Variants in BAZ1A observed in about 807,000 individuals in gnomAD.
BAZ1A encodes the protein bromodomain adjacent to zinc finger domain 1A, also known as bromodomain adjacent to zinc finger domain protein 1A.
In BAZ1A, 50 loss-of-function variants were observed where a neutral mutation model predicts 185.2. The observed-to-expected ratio is 0.27, with a 90% CI of 0.22 to 0.34. The LOEUF is 0.34. Ranked by LOEUF, BAZ1A falls within the 10% of genes least tolerant of loss-of-function variation. The pLI, the probability that BAZ1A is intolerant of heterozygous loss-of-function variation, is 1.00. For synonymous variants in BAZ1A, 571 were observed against 615.6 expected, an observed-to-expected ratio of 0.93 and a Z score of 1.07; for missense variants, 1,356 against 1,839.9, an observed-to-expected ratio of 0.74 and a Z score of 4.81.
rs539188183 is a variant in BAZ1A at position 34,775,886 on chromosome 14, A to G, written c.2833+33T>C. On this transcript the variant is annotated intron_variant, in intron 18 of 26. Coordinates refer to ENST00000360310, the MANE Select transcript of BAZ1A (RefSeq NM_013448.3). ...ATGACCAGAGATTAGGGGGAGGGAA[A>G]AAAAGTAAAAACAATTTTCATTGAA... The G allele has an allele frequency of 5.9e-6, 9 of 1,531,860 alleles. No individual in the cohort carries two copies. In the South Asian group the frequency reaches 8.8e-5, roughly 15 times the overall value. 94.9% of individuals were successfully genotyped at this position (1,531,860 alleles called of 1,614,324 possible).
intron 26 of BAZ1A, among the ~76,000 whole-genome samples, chr14:34,753,948 T>C (rs1594800489): frequency 6.7e-6 from 1 of 149,258 alleles, no homozygotes; most frequent in South Asian, 2.1e-4. Context: ...CAAAACCCCA[T>C]CTCTACAAAA....
chr14:34,831,527 T>G (rs1455046367), intron 3 of BAZ1A, among the ~76,000 whole-genome samples: 2 of 152,232 alleles, frequency 1.3e-5, no homozygotes, highest in African/African-American at 4.8e-5. Flanking sequence ...TTTATTCCTG[T>G]TCTTCCTCAG....
intron 14 of BAZ1A, among the ~76,000 whole-genome samples, chr14:34,784,886 T>C (rs1211267865): frequency 6.6e-6 from 1 of 152,090 alleles, no homozygotes; most frequent in Non-Finnish European, 1.5e-5. Flanking sequence ...AGACGGAGTC[T>C]TGCTGTGTCG....
chr14:34,864,634 C>G (rs1478155312), intron 2 of BAZ1A, among the ~76,000 whole-genome samples: 1 of 151,368 alleles, frequency 6.6e-6, no homozygotes, highest in Non-Finnish European at 1.5e-5. Context: ...ACGCGCGCCA[C>G]CACACCCAGC....
At chr14:34,872,941 A>AAAAAAAAAAAAAAAAAAAAAAAC (rs1555346584) in intron 2 of BAZ1A, among the ~76,000 whole-genome samples, 1 of 122,620 alleles carries the variant, frequency 8.2e-6, no homozygotes, top group Non-Finnish European at 1.7e-5. Flanking sequence ...AAAAAAAAAA[A>AAAAAAAAAAAAAAAAAAAAAAAC]CTTGTCCAAT....
chr14:34,754,986 G>C (rs1886177509), intron 25 of BAZ1A, 72 bp from the exon 26 acceptor site: 1 of 1,184,018 alleles, frequency 8.4e-7, no homozygotes. Context: ...ATAACTAAAA[G>C]TTTTGCACTA....
intron 25 of BAZ1A, 71 bp downstream of exon 25, chr14:34,758,633 T>C: frequency 6.8e-7 from 1 of 1,462,648 alleles, no homozygotes; most frequent in Non-Finnish European, 9.4e-7. Flanking sequence ...GTGTTTTGAC[T>C]ACTTCAAAGT....
Position 34,872,913 on chromosome 14 carries a change from TAAAAAAAA to T in BAZ1A, c.113+1571_113+1578del, listed in dbSNP as rs35955993. Among the ~76,000 whole-genome samples the T allele has an allele frequency of 1.8e-4, 14 of 76,188 alleles. No homozygotes were observed. The South Asian group carries it at 3.0e-3, about 16-fold the overall frequency. 50.0% of individuals were successfully genotyped at this position (76,188 alleles called of 152,430 possible). ...AGCAAGGCCTGTAGCTTTAAAATCC[TAAAAAAAA>T]AAAAAAAAAAAAAAAAAAAACTTGT... On this transcript the variant is annotated intron_variant, in intron 2 of 26. Transcript: ENST00000360310.
At chr14:34,759,667 AAT>A (rs1340162839) in intron 24 of BAZ1A, among the ~76,000 whole-genome samples, 1 of 67,710 alleles carries the variant, frequency 1.5e-5, no homozygotes. Flanking sequence ...TACAGATCTT[AAT>A]TTTATTTATT....
rs1442627926 is a variant in BAZ1A at position 34,776,105 on chromosome 14, G to A, written c.2647C>T (p.Pro883Ser). 6.2e-7 allele frequency: 1 copy of A among 1,614,040 alleles called. No individual in the cohort carries two copies. The highest frequency in any genetic ancestry group is 2.2e-5 in the East Asian group (1 of 44,900). ...QGPRDHSVQL[P>S]KPVHKPNRWC... The stretch of plus-strand genomic sequence containing the variant: ...CGATTTGGCTTATGCACTGGTTTTG[G>A]CAGCTGCACAGAATGGTCACGTGGA... The change falls in exon 18 of 27, where the codon CCA becomes TCA. Residue 883 changes from proline to serine, a missense_variant. Transcript: ENST00000360310.
intron 18 of BAZ1A, among the ~76,000 whole-genome samples, chr14:34,775,050 A>G (rs1172921707): frequency 1.3e-5 from 2 of 152,064 alleles, no homozygotes; most frequent in African/African-American, 4.8e-5. Flanking sequence ...CCCTATCTCT[A>G]CTAAAAATAC....
Position 34,800,321 on chromosome 14 carries a change from T to C in BAZ1A, c.1031A>G (p.Asp344Gly). Residue 344 changes from aspartate to glycine, a missense_variant, in exon 9 of 27, where the codon GAT (aspartate) becomes GGT (glycine). Asp to Gly is a moderately conservative substitution (Grantham distance 94). Coordinates refer to ENST00000360310, the MANE Select transcript of BAZ1A (RefSeq NM_013448.3). ...CAATTCTTCCCTCTTTTTCTCTTTA[T>C]CTTCTTTTTCTTTTTTCTTCGCTTC... ...ALEAKKKEKE[D>G]KEKKREELKK... 3.9e-6 allele frequency: 6 copies of C among 1,524,804 alleles called. No individual in the cohort carries two copies. Among genetic ancestry groups the C allele is most frequent in the Non-Finnish European group, 5.3e-6 (6 of 1,125,178 alleles). 94.5% of individuals were successfully genotyped at this position (1,524,804 alleles called of 1,614,324 possible).
intron 2 of BAZ1A, among the ~76,000 whole-genome samples, chr14:34,867,276 A>G (rs1266633940): frequency 6.6e-6 from 1 of 152,178 alleles, no homozygotes; most frequent in Non-Finnish European, 1.5e-5. Flanking sequence ...AAAAAGAAAA[A>G]AAAAATCCAA....
chr14:34,767,296 T>G (rs966308624), intron 21 of BAZ1A, among the ~76,000 whole-genome samples: 5 of 152,176 alleles, frequency 3.3e-5, no homozygotes, highest in African/African-American at 1.2e-4. Flanking sequence ...ACACCTGTAA[T>G]CCCAGCACTT....
At position 34,788,915 on chromosome 14, in the gene BAZ1A, A is replaced by G. The variant is rs76562335; in HGVS notation, c.1511-2694T>C. 4.1e-3 allele frequency among the ~76,000 whole-genome samples: 620 copies of G among 152,306 alleles called. 8 individuals are homozygous for G. Among genetic ancestry groups the G allele is most frequent in the African/African-American group, 0.014 (582 of 41,572 alleles). ...CCTGACAAAATTAACCTTAGAGAAC[A>G]GTCCCTTACTAAAGGAAAAAGGCAG... On this transcript the variant is annotated intron_variant, in intron 12 of 26. Coordinates refer to ENST00000360310, the MANE Select transcript of BAZ1A (RefSeq NM_013448.3).
chr14:34,802,398 G>C (rs572905476), intron 7 of BAZ1A, among the ~76,000 whole-genome samples: 2 of 152,070 alleles, frequency 1.3e-5, no homozygotes, highest in South Asian at 4.2e-4. Context: ...TTGCCATGTT[G>C]TCCAGGCTAG....
intron 3 of BAZ1A, among the ~76,000 whole-genome samples, chr14:34,858,232 T>A (rs1050488845): frequency 4.6e-5 from 7 of 152,122 alleles, no homozygotes; most frequent in Non-Finnish European, 7.3e-5. Context: ...GATGACTAAT[T>A]TTATGTTGTG....
intron 6 of BAZ1A, among the ~76,000 whole-genome samples, chr14:34,806,622 T>A (rs1467217427): frequency 6.6e-6 from 1 of 152,210 alleles, no homozygotes; most frequent in Non-Finnish European, 1.5e-5. Flanking sequence ...AGTTTTACCA[T>A]TTAACTTTTT....
chr14:34,838,409 C>T (rs1463965205), intron 3 of BAZ1A, among the ~76,000 whole-genome samples: 1 of 152,044 alleles, frequency 6.6e-6, no homozygotes, highest in Non-Finnish European at 1.5e-5. Flanking sequence ...AGAGAAAGAG[C>T]AATATGAGAG....
Sources: allele counts gnomAD v4.1 joint callset (sites outside exome capture counted in the v4.1 genomes callset), GRCh38; gene constraint gnomAD v4.1.1; transcripts MANE v1.5; gene names NCBI Gene and HGNC (gene_info 2026-07-23, HGNC 2026-07-21).